SMIM35: variants seen among roughly 807,000 people sequenced by gnomAD.
The protein encoded by SMIM35 is small integral membrane protein 35.
At chr11:118,032,848 C>T (rs534526939) in intron 1 of SMIM35, among the ~76,000 whole-genome samples, 1 of 152,258 alleles carries the variant, frequency 6.6e-6, no homozygotes, top group East Asian at 1.9e-4. Context: ...GTGGAGGTTG[C>T]AGTGAGCCGA....
rs145027466 is a variant in SMIM35 at position 118,013,894 on chromosome 11, T to C, written c.159-14A>G. 82 of 398,976 alleles carry C rather than the reference T, an allele frequency of 2.1e-4. No individual in the cohort carries two copies. The highest frequency in any genetic ancestry group is 3.1e-4 in the Non-Finnish European group (69 of 226,058). 24.7% of individuals were successfully genotyped at this position (398,976 alleles called of 1,614,324 possible). A position where few individuals can be genotyped will look rare whatever the true frequency, so the allele number is the denominator to read the frequency against. ...TCCTTCAGGTTCCTGAAAAAGATGA[T>C]CCAATCAGGCTACTGGAGCTGATAA... is the stretch of plus-strand genomic sequence containing the variant. On this transcript the variant is annotated splice_polypyrimidine_tract_variant and intron_variant, in intron 3 of 4. Transcript: ENST00000689828.
chr11:118,073,048 G>A (rs970597881), intron 1 of SMIM35, among the ~76,000 whole-genome samples: 4 of 152,212 alleles, frequency 2.6e-5, no homozygotes, highest in Admixed American at 2.6e-4. Context: ...CTCCTGAGTA[G>A]CTGGGATTAC....
chr11:118,057,912 A>G (rs1944339694), intron 1 of SMIM35, among the ~76,000 whole-genome samples: 2 of 152,174 alleles, frequency 1.3e-5, no homozygotes, highest in African/African-American at 4.8e-5. Context: ...GCCAAGAGGC[A>G]ATTTTTGTGG....
intron 1 of SMIM35, among the ~76,000 whole-genome samples, chr11:118,041,946 G>C (rs1328412202): frequency 6.6e-6 from 1 of 151,632 alleles, no homozygotes; most frequent in Non-Finnish European, 1.5e-5. Context: ...AGCTACTCGG[G>C]AGGCTGAAGC....
Position 118,053,244 on chromosome 11 carries a change from G to A in SMIM35, c.7+33507C>T, listed in dbSNP as rs149673666. ...AATCGCTTGAACCCAGGAGGCAGAG[G>A]TTGCAGTGAGCCGAGATCATGCCGT... On this transcript the variant is annotated intron_variant, in intron 1 of 4. Transcript: ENST00000689828. 2.1e-4 allele frequency among the ~76,000 whole-genome samples: 32 copies of A among 151,834 alleles called. No individual in the cohort carries two copies. In the East Asian group the frequency reaches 5.4e-3, roughly 26 times the overall value.
intron 4 of SMIM35, among the ~76,000 whole-genome samples, chr11:118,008,342 A>G (rs2058132913): frequency 6.6e-6 from 1 of 152,194 alleles, no homozygotes; most frequent in African/African-American, 2.4e-5. Flanking sequence ...TAGAAATATA[A>G]TAATGATCCT....
At chr11:118,064,289 TGC>T (rs1461875477) in intron 1 of SMIM35, among the ~76,000 whole-genome samples, 32 of 152,212 alleles carry the variant, frequency 2.1e-4, no homozygotes, top group Non-Finnish European at 1.8e-4. Flanking sequence ...TCTTTTCTCT[TGC>T]AAAGAAAAAA....
intron 1 of SMIM35, among the ~76,000 whole-genome samples, chr11:118,052,158 A>G (rs1331441628): frequency 1.3e-5 from 2 of 152,196 alleles, no homozygotes; most frequent in African/African-American, 4.8e-5. Flanking sequence ...TGCTCTTTGC[A>G]TAAACACCAT....
chr11:118,015,177 C>T (rs1162144072), intron 2 of SMIM35, among the ~76,000 whole-genome samples: 1 of 152,224 alleles, frequency 6.6e-6, no homozygotes, highest in Non-Finnish European at 1.5e-5. Flanking sequence ...GAAATAGTTT[C>T]TACCCCTTGG....
At chr11:118,069,634 A>C (rs1255130346) in intron 1 of SMIM35, among the ~76,000 whole-genome samples, 2 of 152,178 alleles carry the variant, frequency 1.3e-5, no homozygotes, top group African/African-American at 4.8e-5. Flanking sequence ...CCCCAAAAGC[A>C]TGTGTCGGAA....
chr11:118,025,771 T>C (rs1309712398), intron 1 of SMIM35: 1 of 450,654 alleles, frequency 2.2e-6, no homozygotes, highest in Non-Finnish European at 4.4e-6. Context: ...TAGTTTCTTT[T>C]GCTGTGCAGA....
intron 1 of SMIM35, among the ~76,000 whole-genome samples, chr11:118,085,974 C>T (rs1320699300): frequency 1.3e-5 from 2 of 152,172 alleles, no homozygotes; most frequent in Admixed American, 1.3e-4. Flanking sequence ...AGAGAAGGAT[C>T]GCAGAGGGAT....
intron 1 of SMIM35, among the ~76,000 whole-genome samples, chr11:118,020,689 G>C (rs76840706): frequency 6.6e-6 from 1 of 152,172 alleles, no homozygotes; most frequent in Admixed American, 6.5e-5. Flanking sequence ...CCATGTAATA[G>C]TGTTGCTGAA....
At chr11:118,011,219 C>A (rs1339956099) in intron 4 of SMIM35, among the ~76,000 whole-genome samples, 2 of 152,206 alleles carry the variant, frequency 1.3e-5, no homozygotes. Flanking sequence ...GGGCAGCTGT[C>A]CCCGTCTCCT....
rs557480525 is a variant in SMIM35, at chr11:118,029,978, TAGA to T, written c.8-14172_8-14170del. ...ATTGTTGTGGCTTATGTTTCCTAACTAGAGCCTGGTTATCCATGCAGAAATATG... is the reference window on the plus strand; with the variant it reads ...ATTGTTGTGGCTTATGTTTCCTAACTGCCTGGTTATCCATGCAGAAATATG... On this transcript the variant is annotated intron_variant, in intron 1 of 4. Coordinates refer to ENST00000689828, the MANE Select transcript of SMIM35 (RefSeq NM_001394165.1). 629 of 351,274 alleles carry T rather than the reference TAGA, an allele frequency of 1.8e-3. 1 individual carries two copies. Among genetic ancestry groups the T allele is most frequent in the Non-Finnish European group, 2.5e-3 (446 of 178,122 alleles). The allele number at this position is 351,274 out of a possible 1,614,324, so 21.8% of individuals were successfully genotyped here.
At chr11:118,086,079 T>C (rs1440449479) in intron 1 of SMIM35, among the ~76,000 whole-genome samples, 2 of 152,252 alleles carry the variant, frequency 1.3e-5, no homozygotes, top group Admixed American at 6.5e-5. Context: ...CCAAGGGGCA[T>C]GTACAAATAC....
chr11:118,016,623 C>G (rs957992082), intron 1 of SMIM35, among the ~76,000 whole-genome samples: 3 of 152,206 alleles, frequency 2.0e-5, no homozygotes, highest in African/African-American at 7.2e-5. Flanking sequence ...TGGTTGAACT[C>G]AGACTTTAGG....
chr11:118,051,211 T>C (rs1015224932), intron 1 of SMIM35, among the ~76,000 whole-genome samples: 2 of 152,212 alleles, frequency 1.3e-5, no homozygotes, highest in African/African-American at 2.4e-5. Flanking sequence ...TGCCTTGTAT[T>C]GTTCTCTGTG....
chr11:118,068,101 T>C (rs1283064834), intron 1 of SMIM35, among the ~76,000 whole-genome samples: 1 of 151,798 alleles, frequency 6.6e-6, no homozygotes, highest in Non-Finnish European at 1.5e-5. Flanking sequence ...AAAATGTCTA[T>C]TGCAAGAGTT....
Sources: gnomAD v4.1 joint callset for allele counts (sites outside exome capture counted in the v4.1 genomes callset) on GRCh38, gnomAD v4.1.1 for gene constraint, MANE v1.5 for transcripts, NCBI Gene and HGNC (gene_info 2026-07-23, HGNC 2026-07-21) for gene names.